Variants in SIPA1L1 observed in about 807,000 individuals in gnomAD.
SIPA1L1 encodes signal-induced proliferation-associated 1-like protein 1.
SIPA1L1 carries 26 observed loss-of-function variants against 162.7 expected under a neutral mutation model. That is an observed-to-expected ratio of 0.16 (90% CI 0.12 to 0.22). The LOEUF is 0.22. Among genes scored for constraint, SIPA1L1 ranks in the 10% least tolerant of loss-of-function variants. The pLI, the probability that SIPA1L1 is intolerant of heterozygous loss-of-function variation, is 1.00. For missense variants in SIPA1L1, 1,874 were observed against 2,241.0 expected (o/e 0.84, Z 3.31); for synonymous variants, 829 against 837.4 (o/e 0.99, Z 0.17).
chr14:71,528,817 T>C (rs1211980579), intron 3 of SIPA1L1: 1 of 152,174 alleles, frequency 6.6e-6, no homozygotes, highest in African/African-American at 2.4e-5. Context: ...AGAAATATTA[T>C]AATACTACAG....
intron 2 of SIPA1L1, among the ~76,000 whole-genome samples, chr14:71,322,726 C>T (rs1430660958): frequency 2.6e-5 from 4 of 152,200 alleles, no homozygotes; most frequent in African/African-American, 9.7e-5. Context: ...ATGTCTCTGA[C>T]AACTAATTTT....
intron 4 of SIPA1L1, among the ~76,000 whole-genome samples, chr14:71,563,072 C>T (rs2056918643): frequency 1.3e-5 from 2 of 152,302 alleles, no homozygotes; most frequent in South Asian, 2.1e-4. Context: ...TCAGTTTGAC[C>T]AGTGCTGTAG....
chr14:71,459,333 A>G (rs1454354200), intron 2 of SIPA1L1, among the ~76,000 whole-genome samples: 1 of 152,144 alleles, frequency 6.6e-6, no homozygotes, highest in Non-Finnish European at 1.5e-5. Context: ...ACGACGGTAT[A>G]GTGGTAATCC....
chr14:71,412,857 T>G (rs1013927401), intron 2 of SIPA1L1, among the ~76,000 whole-genome samples: 3 of 152,254 alleles, frequency 2.0e-5, no homozygotes, highest in African/African-American at 7.2e-5. Flanking sequence ...GTACATGTGC[T>G]GTAGATGATT....
At chr14:71,662,227 T>C (rs1267840912) in intron 10 of SIPA1L1, among the ~76,000 whole-genome samples, 2 of 152,198 alleles carry the variant, frequency 1.3e-5, no homozygotes, top group Non-Finnish European at 2.9e-5. Context: ...CCTGTGCACA[T>C]TGACAGTTTG....
At chr14:71,390,185 C>G (rs2040632259) in intron 2 of SIPA1L1, among the ~76,000 whole-genome samples, 1 of 152,150 alleles carries the variant, frequency 6.6e-6, no homozygotes, top group East Asian at 1.9e-4. Flanking sequence ...ACAGCTGTTT[C>G]ATCCTAAATG....
Position 71,730,353 on chromosome 14 carries a change from G to A in SIPA1L1, c.4861+52G>A, listed in dbSNP as rs373655421. On this transcript the variant is annotated intron_variant, in intron 20 of 23. Coordinates refer to ENST00000381232, the MANE Select transcript of SIPA1L1 (RefSeq NM_001386936.1). The stretch of plus-strand genomic sequence containing the variant: ...GATGGCCCTGTTGATGATGGTCAGT[G>A]TCCCCAGACGTGGCTGCCACTCATG... 308 of 1,594,882 alleles carry A rather than the reference G, an allele frequency of 1.9e-4. 2 individuals carry two copies. The African/African-American group carries it at 3.6e-3, about 19-fold the overall frequency.
chr14:71,630,110 G>C (rs113019051), intron 7 of SIPA1L1, among the ~76,000 whole-genome samples: 1 of 152,198 alleles, frequency 6.6e-6, no homozygotes, highest in Admixed American at 6.5e-5. Context: ...GCCATTCCTA[G>C]AATTTTAATC....
At chr14:71,478,811 C>T (rs940474430) in intron 2 of SIPA1L1, among the ~76,000 whole-genome samples, 7 of 152,192 alleles carry the variant, frequency 4.6e-5, no homozygotes, top group African/African-American at 9.6e-5. Context: ...AGGAAAAAAG[C>T]AGCAGATGTT....
intron 2 of SIPA1L1, among the ~76,000 whole-genome samples, chr14:71,405,447 G>A (rs2041970331): frequency 6.6e-6 from 1 of 152,172 alleles, no homozygotes; most frequent in African/African-American, 2.4e-5. Context: ...CTCTAATGTT[G>A]GGGGACAGTT....
chr14:71,604,619 CCTTCATTTATGAAGG>C, intron 5 of SIPA1L1, among the ~76,000 whole-genome samples: 1 of 152,242 alleles, frequency 6.6e-6, no homozygotes, highest in African/African-American at 2.4e-5. Context: ...GACTCTTTTT[CCTTCATTTATGAAGG>C]ATAACTGCTG....
intron 2 of SIPA1L1, among the ~76,000 whole-genome samples, chr14:71,436,386 C>T (rs894570733): frequency 1.2e-4 from 19 of 152,014 alleles, no homozygotes; most frequent in Admixed American, 1.1e-3. Context: ...GCTTTTAATA[C>T]TTTGTGGGGT....
intron 2 of SIPA1L1, among the ~76,000 whole-genome samples, chr14:71,485,116 C>A (rs1243621742): frequency 6.6e-6 from 1 of 152,200 alleles, no homozygotes; most frequent in Non-Finnish European, 1.5e-5. Context: ...TCCACAAAAA[C>A]CAAATGAAAT....
At position 71,730,213 on chromosome 14, in the gene SIPA1L1, C is replaced by A. The variant is rs139713150; in HGVS notation, c.4773C>A (p.Asp1591Glu). The change falls in exon 20 of 24, where the codon GAC becomes GAA. Residue 1591 changes from aspartate to glutamate, a missense_variant. By Grantham distance (45) the Asp-to-Glu change is conservative. Around this residue, in one of 5 missense-constraint regions of SIPA1L1, gnomAD observed 936 missense variants for 1,051.9 expected, o/e 0.89. Transcript: ENST00000381232. ...TTCTGGACCAAGCCCTGCCCAACGA[C>A]GTCCTCTTCAGTAGCACGTACCCTT... is the stretch of plus-strand genomic sequence containing the variant. ...ASLLDQALPNDVLFSSTYPSL... is the reference protein window; with the variant it reads ...ASLLDQALPNEVLFSSTYPSL... 1.7e-5 allele frequency: 28 copies of A among 1,614,056 alleles called. No homozygotes were observed. The highest frequency in any genetic ancestry group is 2.4e-5 in the Non-Finnish European group (28 of 1,180,048).
intron 4 of SIPA1L1, among the ~76,000 whole-genome samples, chr14:71,563,763 C>T (rs2056974216): frequency 6.6e-6 from 1 of 152,140 alleles, no homozygotes; most frequent in Non-Finnish European, 1.5e-5. Flanking sequence ...GTTTCAGCTC[C>T]ACTGTTTTCT....
chr14:71,667,158 T>G (rs2044093662), intron 10 of SIPA1L1, among the ~76,000 whole-genome samples: 1 of 152,160 alleles, frequency 6.6e-6, no homozygotes, highest in Non-Finnish European at 1.5e-5. Flanking sequence ...CTGCACCCCA[T>G]GCCTACCTCA....
At chr14:71,395,558 G>C (rs1201929049) in intron 2 of SIPA1L1, among the ~76,000 whole-genome samples, 1 of 152,186 alleles carries the variant, frequency 6.6e-6, no homozygotes, top group African/African-American at 2.4e-5. Flanking sequence ...AGCTACTGGG[G>C]GCTGAGGTGC....
chr14:71,725,725 T>C (rs1317645930), intron 19 of SIPA1L1, among the ~76,000 whole-genome samples: 1 of 152,088 alleles, frequency 6.6e-6, no homozygotes, highest in Non-Finnish European at 1.5e-5. Context: ...TCACTCTGAG[T>C]ATAGGTATTT....
At chr14:71,467,325 A>G (rs1383437556) in intron 2 of SIPA1L1, 5 of 152,214 alleles carry the variant, frequency 3.3e-5, no homozygotes, top group South Asian at 2.1e-4. Context: ...ATACATTAAT[A>G]TGTTTAAAAA....
Sources: allele counts gnomAD v4.1 joint callset (sites outside exome capture counted in the v4.1 genomes callset), GRCh38; gene constraint gnomAD v4.1.1; regional missense constraint gnomAD v4.1.1; transcripts MANE v1.5; gene names NCBI Gene and HGNC (gene_info 2026-07-23, HGNC 2026-07-21).